ADK: variants seen among roughly 807,000 people sequenced by gnomAD.
ADK encodes N6,N6-dimethyladenosine kinase.
Under a neutral mutation model 44.7 loss-of-function variants are expected in ADK, and 24 were observed. That is an observed-to-expected ratio of 0.54 (90% CI 0.39 to 0.76). The LOEUF is 0.76. Ranked by LOEUF, ADK falls within the 30% of genes least tolerant of loss-of-function variation. The probability of loss-of-function intolerance (pLI) is 0.00; values close to 1 mark genes in which losing one functional copy is unlikely to be tolerated. For missense variants in ADK, 321 were observed against 425.1 expected (o/e 0.76, Z 2.15); for synonymous variants, 128 against 142.6 (o/e 0.90, Z 0.73).
intron 6 of ADK, among the ~76,000 whole-genome samples, chr10:74,476,977 A>C (rs1323928328): frequency 6.6e-6 from 1 of 152,134 alleles, no homozygotes; most frequent in African/African-American, 2.4e-5. Flanking sequence ...GTTTGTGTTT[A>C]GTATGTAAAA....
At chr10:74,655,234 G>T in intron 9 of ADK, 1 of 398,134 alleles carries the variant, frequency 2.5e-6, no homozygotes, top group South Asian at 2.2e-5. Flanking sequence ...CAGGTGCATG[G>T]ACAGGGATGA....
At chr10:74,315,434 A>G (rs756737308) in intron 4 of ADK, among the ~76,000 whole-genome samples, 1 of 152,156 alleles carries the variant, frequency 6.6e-6, no homozygotes, top group African/African-American at 2.4e-5. Context: ...GAATAAACCC[A>G]TTAGGCATAT....
intron 6 of ADK, among the ~76,000 whole-genome samples, chr10:74,450,132 C>T (rs1845722413): frequency 6.6e-6 from 1 of 152,064 alleles, no homozygotes; most frequent in South Asian, 2.1e-4. Flanking sequence ...TAGCGAAAAA[C>T]TCTGTCTCCA....
chr10:74,266,966 C>T (rs139993908), intron 3 of ADK, among the ~76,000 whole-genome samples: 8 of 152,034 alleles, frequency 5.3e-5, no homozygotes, highest in South Asian at 4.2e-4. Flanking sequence ...TGGATTAAAC[C>T]GTGGAAAGAA....
rs555299160 is a variant in ADK, at chr10:74,461,572, G to A, written c.555+62993G>A. Among the ~76,000 whole-genome samples, 14 of 152,016 alleles carry A rather than the reference G, an allele frequency of 9.2e-5. 1 individual carries two copies. The South Asian group carries it at 2.7e-3, about 29-fold the overall frequency. On this transcript the variant is annotated intron_variant, in intron 6 of 10. Coordinates refer to ENST00000539909, the MANE Select transcript of ADK (RefSeq NM_006721.4). ...AACATTTATTTCCTTTATAACTGAC[G>A]TAGAGCTTTCCACATAGTAGATATT...
intron 10 of ADK, among the ~76,000 whole-genome samples, chr10:74,671,419 C>A (rs1273637562): frequency 1.3e-5 from 2 of 152,068 alleles, no homozygotes; most frequent in African/African-American, 4.8e-5. Flanking sequence ...GCTGGTCATG[C>A]CCAGTCTTAA....
At chr10:74,317,324 A>G (rs1022917553) in intron 4 of ADK, among the ~76,000 whole-genome samples, 4 of 152,208 alleles carry the variant, frequency 2.6e-5, no homozygotes, top group Non-Finnish European at 5.9e-5. Context: ...AAAAAGGGGT[A>G]TAACTTGCTT....
chr10:74,615,301 C>T (rs1852709633), intron 9 of ADK, among the ~76,000 whole-genome samples: 1 of 152,070 alleles, frequency 6.6e-6, no homozygotes, highest in African/African-American at 2.4e-5. Context: ...ATTTGTAATA[C>T]AGGTAGGGTC....
intron 2 of ADK, among the ~76,000 whole-genome samples, chr10:74,205,916 A>G (rs1391859213): frequency 6.6e-5 from 10 of 152,300 alleles, no homozygotes; most frequent in Admixed American, 3.3e-4. Context: ...TGATGCTTAT[A>G]TGGGTATATA....
chr10:74,604,240 A>G (rs1181313682), intron 9 of ADK, among the ~76,000 whole-genome samples: 1 of 152,174 alleles, frequency 6.6e-6, no homozygotes, highest in Non-Finnish European at 1.5e-5. Flanking sequence ...GCTGTGCAGA[A>G]GCTCTTTAGT....
At chr10:74,173,264 T>G (rs1348862702) in intron 1 of ADK, among the ~76,000 whole-genome samples, 1 of 150,842 alleles carries the variant, frequency 6.6e-6, no homozygotes, top group East Asian at 2.0e-4. Flanking sequence ...CTAATTTTTT[T>G]TTTAATTTTT....
At chr10:74,671,082 C>T (rs537510685) in intron 10 of ADK, among the ~76,000 whole-genome samples, 3 of 142,750 alleles carry the variant, frequency 2.1e-5, no homozygotes, top group Non-Finnish European at 4.5e-5. Flanking sequence ...TGATGATTGT[C>T]CCTTTTTCTC....
At chr10:74,356,034 C>T (rs1425065887) in intron 4 of ADK, among the ~76,000 whole-genome samples, 2 of 51,842 alleles carry the variant, frequency 3.9e-5, no homozygotes, top group Non-Finnish European at 8.1e-5. Flanking sequence ...TTTTTTGAGA[C>T]GGAGTCTCGC....
intron 3 of ADK, among the ~76,000 whole-genome samples, chr10:74,246,122 G>C (rs553843430): frequency 2.0e-5 from 3 of 152,012 alleles, no homozygotes; most frequent in South Asian, 2.1e-4. Context: ...TTGTGGGAGG[G>C]GGGGGTCAGG....
At chr10:74,181,252 G>A (rs114088280) in intron 1 of ADK, among the ~76,000 whole-genome samples, 1,951 of 151,454 alleles carry the variant, frequency 0.013, 50 homozygotes, top group African/African-American at 0.044. Flanking sequence ...TTTGGGGGGG[G>A]TCTCTTTAGG....
chr10:74,394,990 C>A (rs190414907), intron 5 of ADK, among the ~76,000 whole-genome samples: 3 of 152,294 alleles, frequency 2.0e-5, no homozygotes, highest in Non-Finnish European at 2.9e-5. Flanking sequence ...CATGGAGATA[C>A]TCCTTCAGTG....
chr10:74,546,066 T>C (rs1849809615), intron 7 of ADK, among the ~76,000 whole-genome samples: 1 of 152,216 alleles, frequency 6.6e-6, no homozygotes, highest in Admixed American at 6.5e-5. Context: ...TTCAATTTAC[T>C]CTACAAGCAA....
At chr10:74,176,970 G>T in intron 1 of ADK, 1 of 1,572,234 alleles carries the variant, frequency 6.4e-7, no homozygotes, top group Non-Finnish European at 8.6e-7. Context: ...CTTCTCGCGG[G>T]TGGTCTGGAG....
rs182731548 is a variant in ADK at position 74,606,575 on chromosome 10, T to A, written c.877+6082T>A. Among the ~76,000 whole-genome samples, 26 of 152,366 alleles carry A rather than the reference T, an allele frequency of 1.7e-4. 1 individual carries two copies. Among genetic ancestry groups the A allele is most frequent in the Admixed American group, 1.2e-3 (18 of 15,308 alleles). ...TGAGTTTCTTAGTCCTGAGTTCTAATGTGATTGCACTGTGGTCTGAGAGAC... is the reference window on the plus strand; with the variant it reads ...TGAGTTTCTTAGTCCTGAGTTCTAAAGTGATTGCACTGTGGTCTGAGAGAC... On this transcript the variant is annotated intron_variant, in intron 9 of 10. Coordinates refer to ENST00000539909, the MANE Select transcript of ADK (RefSeq NM_006721.4).
Sources: gnomAD v4.1 joint callset for allele counts (sites outside exome capture counted in the v4.1 genomes callset) on GRCh38, gnomAD v4.1.1 for gene constraint, MANE v1.5 for transcripts, NCBI Gene and HGNC (gene_info 2026-07-23, HGNC 2026-07-21) for gene names.